NPTN: variants seen among roughly 807,000 people sequenced by gnomAD.
The protein encoded by NPTN is neuroplastin.
Under a neutral mutation model 42.7 loss-of-function variants are expected in NPTN, and 5 were observed. That is an observed-to-expected ratio of 0.12 (90% confidence interval 0.06 to 0.25). The LOEUF (loss-of-function observed/expected upper bound fraction) is 0.25. Among genes scored for constraint, NPTN ranks in the 10% least tolerant of loss-of-function variants. The probability of loss-of-function intolerance (pLI) is 1.00; values close to 1 mark genes in which losing one functional copy is unlikely to be tolerated. For missense variants in NPTN, 307 were observed against 525.4 expected (o/e 0.58, Z 4.06); for synonymous variants, 180 against 201.9 (o/e 0.89, Z 0.92).
In NPTN at chr15:73,567,144, T is replaced by C. The variant is rs556511785; in HGVS notation, c.1114+3006A>G. 31 of 984,972 alleles carry C rather than the reference T, an allele frequency of 3.1e-5. No individual in the cohort carries two copies. The South Asian group carries it at 1.3e-3, about 40-fold the overall frequency. The allele number at this position is 984,972 out of a possible 1,614,324, so 61.0% of individuals were successfully genotyped here. A position where few individuals can be genotyped will look rare whatever the true frequency, so the allele number is the denominator to read the frequency against. On this transcript the variant is annotated intron_variant, in intron 6 of 8. Transcript: ENST00000345330. ...AGTTCAAATTTGTGCTTTTATACTT[T>C]TGTATTGTTCACTTAGTGCTTTTGT...
chr15:73,627,179 T>C (rs1271920907), intron 1 of NPTN, among the ~76,000 whole-genome samples: 1 of 152,154 alleles, frequency 6.6e-6, no homozygotes, highest in Non-Finnish European at 1.5e-5. Flanking sequence ...GAGGTTGCAG[T>C]GAGCTGAGAT....
chr15:73,561,402 G>A (rs777349132), intron 8 of NPTN, among the ~76,000 whole-genome samples: 1 of 152,202 alleles, frequency 6.6e-6, no homozygotes, highest in Non-Finnish European at 1.5e-5. Flanking sequence ...CTGATGGCGG[G>A]GCACACTGGC....
chr15:73,574,082 A>G (rs1356773912), intron 4 of NPTN, among the ~76,000 whole-genome samples: 2 of 152,246 alleles, frequency 1.3e-5, no homozygotes, highest in African/African-American at 4.8e-5. Context: ...ATGCAGGTCC[A>G]ACTGCCCTCA....
At position 73,569,248 on chromosome 15, in the gene NPTN, G is replaced by A. The variant is rs1192752260; in HGVS notation, c.1114+902C>T. ...ATGGGGAGCCAGCTGGGAACCTGAA[G>A]TACTGCAGATACAAGTCTCCATCAG... On this transcript the variant is annotated intron_variant, in intron 6 of 8. Coordinates refer to ENST00000345330, the MANE Select transcript of NPTN (RefSeq NM_012428.4). This position sits in a 1 kb window ranked among gnomAD's most constrained non-coding sequence, Gnocchi z 4.1. The A allele has an allele frequency of 3.0e-5, 30 of 985,442 alleles. No individual in the cohort carries two copies. Among genetic ancestry groups the A allele is most frequent in the Non-Finnish European group, 3.5e-5 (29 of 830,022 alleles). The allele number at this position is 985,442 out of a possible 1,614,324, so 61.0% of individuals were successfully genotyped here. A position where few individuals can be genotyped will look rare whatever the true frequency, so the allele number is the denominator to read the frequency against.
intron 6 of NPTN, chr15:73,567,779 GCCTGGCCCA>G: frequency 1.0e-6 from 1 of 985,438 alleles, no homozygotes; most frequent in Non-Finnish European, 1.2e-6. Flanking sequence ...GGAGAGTGGA[GCCTGGCCCA>G]CACTGGCTGT....
chr15:73,575,781 T>C (rs533930568), intron 4 of NPTN, among the ~76,000 whole-genome samples: 1 of 152,316 alleles, frequency 6.6e-6, no homozygotes, highest in South Asian at 2.1e-4. Flanking sequence ...AAACTGGTTT[T>C]AGACTCACCC....
At chr15:73,611,793 A>G (rs1279651431) in intron 1 of NPTN, among the ~76,000 whole-genome samples, 1 of 152,188 alleles carries the variant, frequency 6.6e-6, no homozygotes, top group Non-Finnish European at 1.5e-5. Flanking sequence ...CATCAACTGT[A>G]ACAAATGTAC....
chr15:73,587,998 T>C (rs57146664), intron 3 of NPTN, among the ~76,000 whole-genome samples: 153 of 152,278 alleles, frequency 1.0e-3, no homozygotes, highest in African/African-American at 3.6e-3. Flanking sequence ...TCCTAGCACT[T>C]TAGGAGGCTG....
chr15:73,593,307 T>C (rs1041161308), intron 2 of NPTN, among the ~76,000 whole-genome samples: 4 of 152,242 alleles, frequency 2.6e-5, no homozygotes, highest in African/African-American at 9.6e-5. Flanking sequence ...GTCTTTATTA[T>C]TTCCCCAGGC....
intron 4 of NPTN, among the ~76,000 whole-genome samples, chr15:73,576,735 G>A (rs1390008878): frequency 6.6e-6 from 1 of 152,158 alleles, no homozygotes; most frequent in African/African-American, 2.4e-5. Context: ...ACCCATGGCT[G>A]GGCTCGACTT....
intron 1 of NPTN, among the ~76,000 whole-genome samples, chr15:73,620,577 T>C (rs1898085339): frequency 6.6e-6 from 1 of 152,192 alleles, no homozygotes; most frequent in Non-Finnish European, 1.5e-5. Context: ...CCTATACCAC[T>C]TTCAAATGAC....
chr15:73,597,453 G>A lies in NPTN; in HGVS notation c.92-84C>T, dbSNP rs1341859476. On this transcript the variant is annotated intron_variant, in intron 1 of 8. Coordinates refer to ENST00000345330, the MANE Select transcript of NPTN (RefSeq NM_012428.4). The surrounding 1 kb of genome is among the most constrained non-coding windows in gnomAD (Gnocchi z 6.3). ...CAACAGGTGTTAATAGTAATTTAAA[G>A]AAAAGAAAAGAAAAAAGCAAATGAG... is the stretch of plus-strand genomic sequence containing the variant. 6.5e-6 allele frequency: 7 copies of A among 1,079,158 alleles called. No homozygotes were observed. In the Admixed American group the frequency reaches 8.6e-5, roughly 13 times the overall value. The allele number at this position is 1,079,158 out of a possible 1,614,324, so 66.8% of individuals were successfully genotyped here.
intron 3 of NPTN, chr15:73,591,735 T>C: frequency 2.8e-6 from 1 of 362,150 alleles, no homozygotes; most frequent in Non-Finnish European, 5.0e-6. Context: ...AGTTTCTCTA[T>C]GATTATAGTG....
intron 4 of NPTN, among the ~76,000 whole-genome samples, chr15:73,581,771 C>CGT (rs1896056860): frequency 6.6e-6 from 1 of 152,126 alleles, no homozygotes. Context: ...ATAAAGTTAA[C>CGT]AGAACAGACT....
chr15:73,596,645 C>G (rs751669512), intron 2 of NPTN, among the ~76,000 whole-genome samples: 3 of 152,128 alleles, frequency 2.0e-5, no homozygotes, highest in Non-Finnish European at 4.4e-5. Context: ...AAAACCATTT[C>G]AACACTACCC....
intron 6 of NPTN, chr15:73,565,714 G>C (rs765244908): frequency 2.2e-5 from 10 of 456,126 alleles, no homozygotes; most frequent in Non-Finnish European, 4.0e-5. Flanking sequence ...GAAGAGGACT[G>C]GGGGGATAAT....
At chr15:73,608,064 A>G (rs1897372793) in intron 1 of NPTN, among the ~76,000 whole-genome samples, 2 of 152,264 alleles carry the variant, frequency 1.3e-5, no homozygotes, top group South Asian at 4.1e-4. Context: ...CAAAAGAAGT[A>G]GAGTAGCAAA....
chr15:73,612,327 G>A (rs1383100597), intron 1 of NPTN, among the ~76,000 whole-genome samples: 4 of 151,792 alleles, frequency 2.6e-5, no homozygotes, highest in African/African-American at 9.7e-5. Flanking sequence ...GGCTAAGGTG[G>A]AGGAACACCT....
Position 73,601,022 on chromosome 15 carries a change from C to T in NPTN, c.92-3653G>A, listed in dbSNP as rs188882928. ...CAGGAGCCAAATTAATAAAGGGCAG[C>T]ACCTGAAAGTTTTATAAAACTCCGC... On this transcript the variant is annotated intron_variant, in intron 1 of 8. Transcript: ENST00000345330. Among the ~76,000 whole-genome samples the T allele has an allele frequency of 8.5e-5, 13 of 152,294 alleles. No homozygotes were observed. In the East Asian group the frequency reaches 2.3e-3, roughly 27 times the overall value.
Sources: allele counts gnomAD v4.1 joint callset (sites outside exome capture counted in the v4.1 genomes callset), GRCh38; gene constraint gnomAD v4.1.1; non-coding constraint Gnocchi (gnomAD v3.1); transcripts MANE v1.5; gene names NCBI Gene and HGNC (gene_info 2026-07-23, HGNC 2026-07-21).